Variants in CPQ observed in about 807,000 individuals in gnomAD.
CPQ encodes carboxypeptidase Q.
In CPQ, 37 loss-of-function variants were observed where a neutral mutation model predicts 45.7. That is an observed-to-expected ratio of 0.81 (90% CI 0.62 to 1.07). The LOEUF is 1.07. Among genes scored for constraint, CPQ ranks in the 50% least tolerant of loss-of-function variants. The pLI is 0.00. For synonymous variants in CPQ, 186 were observed against 205.8 expected (o/e 0.90, Z 0.82); for missense variants, 537 against 572.9 (o/e 0.94, Z 0.64).
rs188386498 is a variant in CPQ at position 96,687,401 on chromosome 8, T to G, written c.-35+41999T>G. On this transcript the variant is annotated intron_variant, in intron 1 of 7. Transcript: ENST00000220763. ...CTAATTTTTGTATTTTTAGTAGAGA[T>G]GGGGTTTCACCATATTGACCAGGCT... 1.9e-3 allele frequency among the ~76,000 whole-genome samples: 286 copies of G among 152,020 alleles called. 5 individuals are homozygous for G. The highest frequency in any genetic ancestry group is 0.013 in the Admixed American group (191 of 15,262).
At chr8:97,011,746 A>G (rs1488971387) in intron 5 of CPQ, among the ~76,000 whole-genome samples, 1 of 152,332 alleles carries the variant, frequency 6.6e-6, no homozygotes, top group South Asian at 2.1e-4. Flanking sequence ...ATGAGCTATT[A>G]TCTAAAAACA....
Position 97,143,043 on chromosome 8 carries a change from T to C in CPQ, c.1279T>C (p.Tyr427His), listed in dbSNP as rs760509659. 1 of 1,613,970 alleles carries C rather than the reference T, an allele frequency of 6.2e-7. No individual in the cohort carries two copies. The highest frequency in any genetic ancestry group is 8.5e-7 in the Non-Finnish European group (1 of 1,179,850). The change falls in exon 8 of 8, where the codon TAC becomes CAC. Residue 427 changes from tyrosine to histidine, a missense_variant. Coordinates refer to ENST00000220763, the MANE Select transcript of CPQ (RefSeq NM_016134.4). ...AGGAGCCAGTCTACTTGATGACTTATACAAGTATTTCTTCTTCCATCACTC... is the reference window on the plus strand; with the variant it reads ...AGGAGCCAGTCTACTTGATGACTTACACAAGTATTTCTTCTTCCATCACTC... ...VPGASLLDDLYKYFFFHHSHG... is the reference protein window; with the variant it reads ...VPGASLLDDLHKYFFFHHSHG...
intron 4 of CPQ, among the ~76,000 whole-genome samples, chr8:96,925,142 A>G (rs1478865512): frequency 2.0e-5 from 3 of 152,222 alleles, no homozygotes; most frequent in Admixed American, 1.3e-4. Context: ...TTTATCAAAC[A>G]CCTATCAGGT....
At chr8:96,761,276 C>A (rs1563490292) in intron 1 of CPQ, 1 of 152,196 alleles carries the variant, frequency 6.6e-6, no homozygotes, top group Non-Finnish European at 1.5e-5. Flanking sequence ...CTAGCCTGAA[C>A]TCTGTGATGA....
At chr8:97,073,399 T>G (rs1023923302) in intron 7 of CPQ, among the ~76,000 whole-genome samples, 4 of 152,220 alleles carry the variant, frequency 2.6e-5, no homozygotes, top group Non-Finnish European at 5.9e-5. Context: ...CCAGATGGAA[T>G]AGCGCAGCCC....
rs962620294 is a variant in CPQ at position 96,870,006 on chromosome 8, T to C, written c.642-9792T>C. Among the ~76,000 whole-genome samples, 8 of 152,014 alleles carry C rather than the reference T, an allele frequency of 5.3e-5. No individual in the cohort carries two copies. In the South Asian group the frequency reaches 1.0e-3, roughly 20 times the overall value. The stretch of plus-strand genomic sequence containing the variant: ...GCAAAAGCAAAATAGATAGTGTCTA[T>C]ACAGAAGACATAAATGTGCGTAAAT... On this transcript the variant is annotated intron_variant, in intron 3 of 7. Transcript: ENST00000220763.
chr8:96,719,960 G>C (rs1313649351), intron 1 of CPQ, among the ~76,000 whole-genome samples: 1 of 152,134 alleles, frequency 6.6e-6, no homozygotes, highest in East Asian at 1.9e-4. Flanking sequence ...GTAGGCTGAA[G>C]CCTGCCACTT....
At chr8:97,029,621 C>T in intron 6 of CPQ, 127 bp downstream of exon 6, 2 of 757,344 alleles carry the variant, frequency 2.6e-6, no homozygotes, top group South Asian at 1.6e-5. Flanking sequence ...CTTGTATGAG[C>T]CTTCTCCCTC....
chr8:97,052,083 C>A (rs969469495), intron 6 of CPQ, among the ~76,000 whole-genome samples: 1 of 152,162 alleles, frequency 6.6e-6, no homozygotes, highest in Admixed American at 6.5e-5. Flanking sequence ...ACATGGCTCC[C>A]CAGAATGATC....
chr8:97,096,213 A>G (rs763768142), intron 7 of CPQ, among the ~76,000 whole-genome samples: 14 of 152,188 alleles, frequency 9.2e-5, no homozygotes, highest in Admixed American at 2.6e-4. Flanking sequence ...ACCTTGGCCA[A>G]TTCATATAAG....
chr8:97,052,998 C>G (rs1810387563), intron 6 of CPQ, among the ~76,000 whole-genome samples: 1 of 152,128 alleles, frequency 6.6e-6, no homozygotes, highest in Admixed American at 6.5e-5. Context: ...AAAAGGAAAA[C>G]AGATTCTGAA....
At chr8:97,097,312 A>G (rs1463065445) in intron 7 of CPQ, among the ~76,000 whole-genome samples, 1 of 152,158 alleles carries the variant, frequency 6.6e-6, no homozygotes, top group African/African-American at 2.4e-5. Flanking sequence ...AAATATACCA[A>G]TCTTAGGATC....
In CPQ at chr8:96,692,751, A is replaced by G. The variant is rs550112824; in HGVS notation, c.-35+47349A>G. 2.0e-5 allele frequency among the ~76,000 whole-genome samples: 3 copies of G among 152,302 alleles called. No individual in the cohort carries two copies. The South Asian group carries it at 6.2e-4, about 32-fold the overall frequency. The stretch of plus-strand genomic sequence containing the variant: ...AGGTACAAATAAGTCCAGGCTGCAA[A>G]GACAACAATAAATATTCAATTCTTC... On this transcript the variant is annotated intron_variant, in intron 1 of 7. Coordinates refer to ENST00000220763, the MANE Select transcript of CPQ (RefSeq NM_016134.4).
chr8:96,801,169 G>A (rs573406049), intron 2 of CPQ, among the ~76,000 whole-genome samples: 1 of 152,028 alleles, frequency 6.6e-6, no homozygotes, highest in African/African-American at 2.4e-5. Context: ...TAGAGATGGG[G>A]TTTTGCCATG....
chr8:96,788,382 A>G (rs1586401227), intron 2 of CPQ, among the ~76,000 whole-genome samples: 1 of 147,864 alleles, frequency 6.8e-6, no homozygotes, highest in Non-Finnish European at 1.5e-5. Context: ...CTTGTCTCAA[A>G]CTCCTGGATT....
chr8:97,057,432 G>A (rs549539749), intron 6 of CPQ, among the ~76,000 whole-genome samples: 41 of 152,138 alleles, frequency 2.7e-4, no homozygotes, highest in Admixed American at 1.3e-3. Context: ...AGAACTGAGC[G>A]CTAGAAAAAA....
intron 6 of CPQ, among the ~76,000 whole-genome samples, chr8:97,064,751 C>T (rs1044255327): frequency 6.6e-6 from 1 of 152,166 alleles, no homozygotes; most frequent in Non-Finnish European, 1.5e-5. Flanking sequence ...GAAAAAAATA[C>T]TATGCAATCC....
intron 1 of CPQ, among the ~76,000 whole-genome samples, chr8:96,756,140 C>T (rs548872486): frequency 7.2e-5 from 11 of 152,144 alleles, no homozygotes; most frequent in South Asian, 2.1e-4. Flanking sequence ...GAGTAAGGCT[C>T]AAGTTATTTA....
At chr8:96,712,168 G>A (rs928176661) in intron 1 of CPQ, among the ~76,000 whole-genome samples, 3 of 152,178 alleles carry the variant, frequency 2.0e-5, no homozygotes, top group African/African-American at 7.2e-5. Flanking sequence ...GATGCAGAAG[G>A]TGGACATCCA....
Sources: allele counts gnomAD v4.1 joint callset (sites outside exome capture counted in the v4.1 genomes callset), GRCh38; gene constraint gnomAD v4.1.1; transcripts MANE v1.5; gene names NCBI Gene and HGNC (gene_info 2026-07-23, HGNC 2026-07-21).